TMEM132A: variants seen among roughly 807,000 people sequenced by gnomAD.
TMEM132A encodes the protein transmembrane protein 132A.
In TMEM132A, 48 loss-of-function variants were observed where a neutral mutation model predicts 69.9. The ratio of observed to expected loss-of-function variants is 0.69; its 90% confidence interval spans 0.55 to 0.87. The LOEUF (loss-of-function observed/expected upper bound fraction) is 0.87. Among genes scored for constraint, TMEM132A ranks in the 40% least tolerant of loss-of-function variants. TMEM132A has a pLI of 0.00. For synonymous variants in TMEM132A, 577 were observed against 613.7 expected, an observed-to-expected ratio of 0.94 and a Z score of 0.88; for missense variants, 1,287 against 1,407.2, an observed-to-expected ratio of 0.91 and a Z score of 1.37.
In TMEM132A at chr11:60,928,760, CGAG is replaced by C. The variant is rs1461061205; in HGVS notation, c.670_672del (p.Glu224del). On this transcript the variant is annotated inframe_deletion, in exon 4 of 11. Coordinates refer to ENST00000453848, the MANE Select transcript of TMEM132A (RefSeq NM_178031.3). ...AGGGCCCTGGGGGCTGTGGCTCCGG[CGAG>C]GAGAACGACCCTGGGGAGCAGGCCC... 5.6e-6 allele frequency: 9 copies of C among 1,608,320 alleles called. No individual in the cohort carries two copies. The highest frequency in any genetic ancestry group is 1.7e-5 in the Admixed American group (1 of 59,742).
intron 2 of TMEM132A, 46 bp from the exon 3 acceptor site, chr11:60,927,595 C>T: frequency 6.5e-7 from 1 of 1,544,490 alleles, no homozygotes; most frequent in Non-Finnish European, 8.8e-7. Context: ...CTAGATCTTC[C>T]CCTCCCAAGC....
Position 60,934,581 on chromosome 11 carries a change from C to G in TMEM132A, c.1653C>G (p.Leu551=). The G allele has an allele frequency of 6.4e-7, 1 of 1,553,868 alleles. No homozygotes were observed. Among genetic ancestry groups the G allele is most frequent in the Non-Finnish European group, 8.6e-7 (1 of 1,158,354 alleles). The part of the protein sequence containing the change: ...LQYQRAGVRF[L]APFAAHPLDG... Reference sequence around the variant, plus strand: ...ACCAGCGGGCCGGTGTGCGCTTCCTCGCCCCCTTCGCGGCCCACCCGCTGG... The same window carrying G: ...ACCAGCGGGCCGGTGTGCGCTTCCTGGCCCCCTTCGCGGCCCACCCGCTGG... Residue 551 remains leucine (L), a synonymous_variant, in exon 9 of 11, where the codon CTC becomes CTG. Transcript: ENST00000453848.
In TMEM132A at chr11:60,931,682, C is replaced by T. The variant is rs1856481915; in HGVS notation, c.1017-7C>T. 6.2e-7 allele frequency: 1 copy of T among 1,601,198 alleles called. No homozygotes were observed. The highest frequency in any genetic ancestry group is 1.3e-5 in the African/African-American group (1 of 74,766). ...CATTTGGCTTCTCTGTCTCCTTTGG[C>T]CAGCAGTCCCCTTGAACTGTCTGAG... On this transcript the variant is annotated splice_region_variant and splice_polypyrimidine_tract_variant and intron_variant, in intron 5 of 10. Coordinates refer to ENST00000453848, the MANE Select transcript of TMEM132A (RefSeq NM_178031.3).
chr11:60,932,232 C>A, intron 7 of TMEM132A, 105 bp downstream of exon 7: 1 of 1,353,058 alleles, frequency 7.4e-7, no homozygotes, highest in Non-Finnish European at 9.7e-7. Flanking sequence ...AGAACAGCTT[C>A]TTCTTGAGAC....
chr11:60,928,909 G>A lies in TMEM132A; in HGVS notation c.815G>A (p.Ser272Asn), dbSNP rs758929101. Residue 272 changes from serine to asparagine, a missense_variant, in exon 4 of 11, where the codon AGT becomes AAT. Transcript: ENST00000453848. Reference sequence around the variant, plus strand: ...CCAGTGCGGCCCGGCCAGCTCTTTAGTGCTACCCTCCTGCTTCGGCACAAC... The same window carrying A: ...CCAGTGCGGCCCGGCCAGCTCTTTAATGCTACCCTCCTGCTTCGGCACAAC... ...DMPVRPGQLF[S>N]ATLLLRHNFT... 2.5e-6 allele frequency: 4 copies of A among 1,612,614 alleles called. No homozygotes were observed. The highest frequency in any genetic ancestry group is 4.5e-5 in the East Asian group (2 of 44,894).
At chr11:60,934,000 C>T (rs1856537544) in intron 8 of TMEM132A, 2 of 551,494 alleles carry the variant, frequency 3.6e-6, no homozygotes, top group Non-Finnish European at 6.4e-6. Context: ...TACGTCAGTA[C>T]TGGTTAATGT....
chr11:60,935,561 A>C lies in TMEM132A; in HGVS notation c.2028+118A>C. 3 of 1,101,030 alleles carry C rather than the reference A, an allele frequency of 2.7e-6. No individual in the cohort carries two copies. Among genetic ancestry groups the C allele is most frequent in the Non-Finnish European group, 3.9e-6 (3 of 772,996 alleles). 68.2% of individuals were successfully genotyped at this position (1,101,030 alleles called of 1,614,324 possible). Reference sequence around the variant, plus strand: ...ACCCCTTAGGGTTTTCAGAGTGAGGACTGACTCTGTGAGGTAGTGAGCTCT... The same window carrying C: ...ACCCCTTAGGGTTTTCAGAGTGAGGCCTGACTCTGTGAGGTAGTGAGCTCT... On this transcript the variant is annotated intron_variant, in intron 10 of 10. Coordinates refer to ENST00000453848, the MANE Select transcript of TMEM132A (RefSeq NM_178031.3). The surrounding 1 kb of genome is among the most constrained non-coding windows in gnomAD (Gnocchi z 5.0).
chr11:60,932,319 A>G (rs935445343), intron 7 of TMEM132A, 192 bp downstream of exon 7: 1 of 608,518 alleles, frequency 1.6e-6, no homozygotes, highest in Non-Finnish European at 2.6e-6. Flanking sequence ...AGTAACCCTA[A>G]CAGCCCCCCG....
In TMEM132A at chr11:60,936,020, A is replaced by G. The variant is rs578062643; in HGVS notation, c.2185A>G (p.Ser729Gly). The G allele has an allele frequency of 6.0e-5, 97 of 1,605,336 alleles. No individual in the cohort carries two copies. In the African/African-American group the frequency reaches 8.8e-4, roughly 15 times the overall value. ...EQGAQLGVVV[S>G]GAGAEGLPLH... ...GGGTGCCCAGCTCGGGGTGGTGGTG[A>G]GTGGGGCAGGCGCCGAGGGGCTGCC... The change falls in exon 11 of 11, where the codon AGT (serine) becomes GGT (glycine). Residue 729 changes from serine to glycine, a missense_variant. Transcript: ENST00000453848.
chr11:60,931,072 G>A (rs1856470611), intron 5 of TMEM132A, among the ~76,000 whole-genome samples: 1 of 152,154 alleles, frequency 6.6e-6, no homozygotes, highest in South Asian at 2.1e-4. Context: ...CTGGGTCAAG[G>A]CCATGGACTC....
Position 60,926,976 on chromosome 11 carries a change from C to T in TMEM132A, c.101-228C>T, listed in dbSNP as rs913385236. The T allele has an allele frequency of 8.5e-5, 51 of 596,688 alleles. 1 individual carries two copies. Among genetic ancestry groups the T allele is most frequent in the Non-Finnish European group, 1.4e-4 (48 of 332,186 alleles). The allele number at this position is 596,688 out of a possible 1,614,324, so 37.0% of individuals were successfully genotyped here. A position where few individuals can be genotyped will look rare whatever the true frequency, so the allele number is the denominator to read the frequency against. On this transcript the variant is annotated intron_variant, in intron 1 of 10. Coordinates refer to ENST00000453848, the MANE Select transcript of TMEM132A (RefSeq NM_178031.3). ...GAAAGTAGAAGGAATAGCTGGGAAG[C>T]ATCCAGTCCTGGACTCAGATTCGAA...
In TMEM132A at chr11:60,936,901, C is replaced by T. The variant is rs774975415; in HGVS notation, c.3066C>T (p.Ser1022=). 8 of 1,534,010 alleles carry T rather than the reference C, an allele frequency of 5.2e-6. No individual in the cohort carries two copies. The highest frequency in any genetic ancestry group is 7.0e-6 in the Non-Finnish European group (8 of 1,140,072). ...ACTACATGGAGAGGATCCGGGGCAG[C>T]TCCTGACCCTCCACAGCCACCTGGT... The part of the protein sequence containing the change: ...LRNYMERIRG[S]S The change falls in exon 11 of 11, where the codon AGC becomes AGT. Residue 1022 remains serine (S), a synonymous_variant. Coordinates refer to ENST00000453848, the MANE Select transcript of TMEM132A (RefSeq NM_178031.3).
chr11:60,930,770 C>T, intron 5 of TMEM132A, 111 bp downstream of exon 5: 1 of 1,090,506 alleles, frequency 9.2e-7, no homozygotes, highest in Non-Finnish European at 1.3e-6. Flanking sequence ...GGTGAGCAGA[C>T]CCAAGGACAG....
chr11:60,933,633 G>A lies in TMEM132A; in HGVS notation c.1448G>A (p.Arg483His), dbSNP rs1460442367. Residue 483 changes from arginine (R) to histidine (H), a missense_variant, in exon 8 of 11, where the codon CGC becomes CAC. Arg to His is a conservative substitution (Grantham distance 29). Coordinates refer to ENST00000453848, the MANE Select transcript of TMEM132A (RefSeq NM_178031.3). The stretch of plus-strand genomic sequence containing the variant: ...GTGGACTTCTGGTGGCGCCGGCTCC[G>A]CGCCTCGCTGCGGCTGACCGTGTGG... ...VRVDFWWRRL[R>H]ASLRLTVWAP... 1.9e-6 allele frequency: 3 copies of A among 1,605,162 alleles called. No homozygotes were observed. The highest frequency in any genetic ancestry group is 1.7e-5 in the Admixed American group (1 of 59,882).
chr11:60,936,629 G>A lies in TMEM132A; in HGVS notation c.2794G>A (p.Glu932Lys), dbSNP rs1422739449. 5.1e-6 allele frequency: 8 copies of A among 1,570,304 alleles called. No homozygotes were observed. The highest frequency in any genetic ancestry group is 6.0e-6 in the Non-Finnish European group (7 of 1,158,240). The change falls in exon 11 of 11, where the codon GAG becomes AAG. Residue 932 changes from glutamate (E) to lysine (K), a missense_variant. Glu to Lys is a moderately conservative substitution (Grantham distance 56, BLOSUM62 1). Transcript: ENST00000453848. The part of the protein sequence containing the change: ...SCPCESGGGG[E>K]APTLAPGPPG... ...CCCCTGTGAGAGTGGGGGAGGAGGG[G>A]AGGCCCCTACCCTGGCCCCTGGCCC...
rs1230697033 is a variant in TMEM132A at position 60,934,494 on chromosome 11, G to T, written c.1566G>T (p.Ala522=). ...WRVPGPAEGP[A]EPAAEASDEA... is the part of the protein sequence containing the mutation. The stretch of plus-strand genomic sequence containing the variant: ...CGGCCTCCCCGCCCTGCAGGCCTGC[G>T]GAACCCGCTGCAGAGGCGTCGGATG... The change falls in exon 9 of 11, where the codon GCG becomes GCT. Residue 522 remains alanine (A), a synonymous_variant. Coordinates refer to ENST00000453848, the MANE Select transcript of TMEM132A (RefSeq NM_178031.3). 3 of 1,389,818 alleles carry T rather than the reference G, an allele frequency of 2.2e-6. No homozygotes were observed. The African/African-American group carries it at 4.6e-5, about 21-fold the overall frequency. The allele number at this position is 1,389,818 out of a possible 1,614,324, so 86.1% of individuals were successfully genotyped here. A position where few individuals can be genotyped will look rare whatever the true frequency, so the allele number is the denominator to read the frequency against.
At position 60,931,813 on chromosome 11, in the gene TMEM132A, G is replaced by A. The variant is rs750670956; in HGVS notation, c.1141G>A (p.Glu381Lys). The change falls in exon 6 of 11, where the codon GAG (glutamate) becomes AAG (lysine). Residue 381 changes from glutamate to lysine, a missense_variant. Physicochemically the swap from Glu to Lys is moderately conservative, Grantham distance 56. Transcript: ENST00000453848. Reference protein sequence around the residue: ...LEYPGQAPEAEKDKMVWEILV... With the variant: ...LEYPGQAPEAKKDKMVWEILV... Reference sequence around the variant, plus strand: ...GTACCCAGGCCAGGCCCCTGAAGCAGAGAAGGACAAAATGGTGTGGGAAAT... The same window carrying A: ...GTACCCAGGCCAGGCCCCTGAAGCAAAGAAGGACAAAATGGTGTGGGAAAT... The A allele has an allele frequency of 1.9e-6, 3 of 1,614,258 alleles. No homozygotes were observed. The highest frequency in any genetic ancestry group is 2.5e-6 in the Non-Finnish European group (3 of 1,180,048).
Position 60,928,958 on chromosome 11 carries a change from G to A in TMEM132A, c.864G>A (p.Leu288=). Residue 288 remains leucine, a splice_region_variant and synonymous_variant, in exon 4 of 11, where the codon CTG becomes CTA. Transcript: ENST00000453848. ...RHNFTASLLT[L]RIKVKKGLHV... Reference sequence around the variant, plus strand: ...ACTTCACAGCCAGCCTCCTGACCCTGCGGTGAGCACCAGGCCACGGGGATG... The same window carrying A: ...ACTTCACAGCCAGCCTCCTGACCCTACGGTGAGCACCAGGCCACGGGGATG... 6.2e-7 allele frequency: 1 copy of A among 1,612,074 alleles called. No individual in the cohort carries two copies.
chr11:60,932,033 T>G lies in TMEM132A; in HGVS notation c.1262T>G (p.Val421Gly), dbSNP rs766620016. Residue 421 changes from valine (V) to glycine (G), a missense_variant, in exon 7 of 11, where the codon GTC becomes GGC. By Grantham distance (109) the Val-to-Gly change is moderately radical. Transcript: ENST00000453848. ...TAPLTGVPQH[V>G]PVRLVTVDGG... Reference sequence around the variant, plus strand: ...CCACTGACTGGAGTGCCCCAGCATGTCCCCGTGCGCCTTGTCACTGTGGAC... The same window carrying G: ...CCACTGACTGGAGTGCCCCAGCATGGCCCCGTGCGCCTTGTCACTGTGGAC... 2 of 1,599,152 alleles carry G rather than the reference T, an allele frequency of 1.3e-6. No individual in the cohort carries two copies. The highest frequency in any genetic ancestry group is 1.7e-6 in the Non-Finnish European group (2 of 1,173,152).
Sources: allele counts gnomAD v4.1 joint callset (sites outside exome capture counted in the v4.1 genomes callset), GRCh38; gene constraint gnomAD v4.1.1; non-coding constraint Gnocchi (gnomAD v3.1); transcripts MANE v1.5; gene names NCBI Gene and HGNC (gene_info 2026-07-23, HGNC 2026-07-21).